TRAPPC9: variants seen among roughly 807,000 people sequenced by gnomAD.
The protein encoded by TRAPPC9 is trafficking protein particle complex subunit 9.
A neutral mutation model predicts 124.0 loss-of-function variants in TRAPPC9; 83 were observed. The observed-to-expected ratio is 0.67, with a 90% CI of 0.56 to 0.80. The LOEUF is 0.80. TRAPPC9 is among the 30% of genes least tolerant of loss of function. The pLI is 0.00. For synonymous variants in TRAPPC9, 638 were observed against 617.5 expected (o/e 1.03, Z -0.49); for missense variants, 1,302 against 1,508.3 (o/e 0.86, Z 2.27).
At position 140,451,389 on chromosome 8, in the gene TRAPPC9, C is replaced by A; in HGVS notation, c.-10-6G>T. ...GGACGCTCATTTTGAAGTCCCTGTT[C>A]AGAGAGAAGAAATGAGGCTGTGAGA... is the stretch of plus-strand genomic sequence containing the variant. On this transcript the variant is annotated splice_polypyrimidine_tract_variant and splice_region_variant and intron_variant, in intron 1 of 22. Transcript: ENST00000438773. 6.3e-7 allele frequency: 1 copy of A among 1,598,590 alleles called. No homozygotes were observed. The highest frequency in any genetic ancestry group is 1.1e-5 in the South Asian group (1 of 90,742).
intron 19 of TRAPPC9, among the ~76,000 whole-genome samples, chr8:139,983,859 CG>C (rs1837072965): frequency 6.6e-6 from 1 of 152,112 alleles, no homozygotes; most frequent in Non-Finnish European, 1.5e-5. Flanking sequence ...GTCAGACAGA[CG>C]GGGTTCCACA....
At chr8:140,149,631 A>C (rs373678533) in intron 17 of TRAPPC9, among the ~76,000 whole-genome samples, 1 of 152,072 alleles carries the variant, frequency 6.6e-6, no homozygotes, top group African/African-American at 2.4e-5. Flanking sequence ...CTCAAAAAAA[A>C]AAAAAAGAAT....
chr8:139,815,665 C>T (rs1032207005), intron 21 of TRAPPC9, among the ~76,000 whole-genome samples: 2 of 151,410 alleles, frequency 1.3e-5, no homozygotes, highest in South Asian at 2.1e-4. Flanking sequence ...GTGCTGATTA[C>T]AGGCGTGAGC....
chr8:139,950,750 G>A (rs1469920514), intron 19 of TRAPPC9, among the ~76,000 whole-genome samples: 1 of 152,184 alleles, frequency 6.6e-6, no homozygotes, highest in Non-Finnish European at 1.5e-5. Flanking sequence ...TTAAACACTG[G>A]TGAAAACATT....
intron 17 of TRAPPC9, among the ~76,000 whole-genome samples, chr8:140,048,354 ACTGGAAGCT>A (rs1203974123): frequency 6.6e-6 from 1 of 152,208 alleles, no homozygotes; most frequent in Non-Finnish European, 1.5e-5. Flanking sequence ...AGACAATCTT[ACTGGAAGCT>A]CTGGAAGAAA....
At chr8:140,430,353 G>T (rs1445294652) in intron 4 of TRAPPC9, among the ~76,000 whole-genome samples, 1 of 152,140 alleles carries the variant, frequency 6.6e-6, no homozygotes, top group Non-Finnish European at 1.5e-5. Context: ...TAAAGGCTTT[G>T]TCCTAAGCAC....
chr8:139,837,794 G>A (rs1385678466), intron 21 of TRAPPC9, among the ~76,000 whole-genome samples: 3 of 150,306 alleles, frequency 2.0e-5, no homozygotes, highest in Non-Finnish European at 3.0e-5. Context: ...TGTGCTCCCC[G>A]CTTCTCACTT....
intron 5 of TRAPPC9, among the ~76,000 whole-genome samples, chr8:140,419,448 A>AAAAAAAAAAAAAAAAC (rs1554683879): frequency 2.1e-5 from 2 of 94,818 alleles, no homozygotes; most frequent in South Asian, 4.1e-4. Context: ...AAAAAAAAAA[A>AAAAAAAAAAAAAAAAC]AAAACAAAAC....
chr8:139,805,674 G>A (rs1229467376), intron 21 of TRAPPC9, among the ~76,000 whole-genome samples: 3 of 152,182 alleles, frequency 2.0e-5, no homozygotes, highest in Non-Finnish European at 4.4e-5. Context: ...GAGTCCACAA[G>A]AGGAGTTATA....
intron 17 of TRAPPC9, among the ~76,000 whole-genome samples, chr8:140,102,856 C>T (rs913148682): frequency 1.3e-5 from 2 of 152,220 alleles, no homozygotes; most frequent in Non-Finnish European, 2.9e-5. Context: ...ACTCTGTTCA[C>T]CCCCACTGAG....
intron 19 of TRAPPC9, among the ~76,000 whole-genome samples, chr8:139,969,363 A>G (rs1311913052): frequency 6.6e-6 from 1 of 152,172 alleles, no homozygotes; most frequent in African/African-American, 2.4e-5. Context: ...TAATAGCCGC[A>G]TCTGCAGCGC....
chr8:140,210,062 C>T (rs1587930504), intron 17 of TRAPPC9, among the ~76,000 whole-genome samples: 1 of 152,216 alleles, frequency 6.6e-6, no homozygotes, highest in Non-Finnish European at 1.5e-5. Flanking sequence ...ACTGTCACCG[C>T]GCTAAATCTC....
intron 18 of TRAPPC9, among the ~76,000 whole-genome samples, chr8:140,018,549 G>C (rs570309344): frequency 1.4e-4 from 21 of 151,618 alleles, no homozygotes; most frequent in Non-Finnish European, 2.5e-4. Context: ...GGATGGTCTC[G>C]ATCTCCTGAC....
rs995567618 is a variant in TRAPPC9, at chr8:140,221,508, G to C, written c.2507C>G (p.Pro836Arg). ...QVVRPRVEGK[P>R]VNPPESNKAG... ...TTTGTTGCTCTCGGGTGGGTTCACA[G>C]GTTTGCCCTCCACTCGGGGCCGAAC... Residue 836 changes from proline (P) to arginine (R), a missense_variant, in exon 17 of 23, where the codon CCT becomes CGT. Physicochemically the swap from Pro to Arg is moderately radical, Grantham distance 103 (BLOSUM62 -2). This residue lies in a region of TRAPPC9 where 640 missense variants were observed against 679.3 expected (regional missense o/e 0.94). Transcript: ENST00000438773. 2.5e-6 allele frequency: 4 copies of C among 1,614,008 alleles called. No individual in the cohort carries two copies. In the East Asian group the frequency reaches 6.7e-5, roughly 27 times the overall value.
chr8:140,347,801 GTAT>G (rs1285966450), intron 9 of TRAPPC9, among the ~76,000 whole-genome samples: 1 of 152,196 alleles, frequency 6.6e-6, no homozygotes, highest in Non-Finnish European at 1.5e-5. Flanking sequence ...TGGTGTACAT[GTAT>G]GTCTCTAGAA....
chr8:139,814,867 C>G (rs952078730), intron 21 of TRAPPC9, among the ~76,000 whole-genome samples: 1 of 152,186 alleles, frequency 6.6e-6, no homozygotes, highest in African/African-American at 2.4e-5. Flanking sequence ...ATAAATCACC[C>G]AACGTGCTTG....
chr8:139,794,260 C>G (rs1389071802), intron 21 of TRAPPC9, among the ~76,000 whole-genome samples: 2 of 152,214 alleles, frequency 1.3e-5, no homozygotes, highest in African/African-American at 4.8e-5. Context: ...TGGTGGTCCC[C>G]TAACGATGTG....
At chr8:140,217,866 A>C (rs1428680111) in intron 17 of TRAPPC9, among the ~76,000 whole-genome samples, 1 of 152,056 alleles carries the variant, frequency 6.6e-6, no homozygotes, top group Non-Finnish European at 1.5e-5. Flanking sequence ...AAAACACAAA[A>C]ATTAGCTGGG....
intron 2 of TRAPPC9, among the ~76,000 whole-genome samples, chr8:140,439,891 A>C (rs1391460593): frequency 1.3e-5 from 2 of 152,068 alleles, no homozygotes; most frequent in African/African-American, 2.4e-5. Context: ...CTGCAGCTGG[A>C]TTAAACTTTC....
Sources: allele counts gnomAD v4.1 joint callset (sites outside exome capture counted in the v4.1 genomes callset), GRCh38; gene constraint gnomAD v4.1.1; regional missense constraint gnomAD v4.1.1; transcripts MANE v1.5; gene names NCBI Gene and HGNC (gene_info 2026-07-23, HGNC 2026-07-21).